KCNK9: variants seen among roughly 807,000 people sequenced by gnomAD.
KCNK9 encodes the protein potassium two pore domain channel subfamily K member 9.
A neutral mutation model predicts 10.8 loss-of-function variants in KCNK9; 1 was observed. The ratio of observed to expected loss-of-function variants is 0.09; its 90% CI spans 0.03 to 0.44. The LOEUF is 0.44. Among genes scored for constraint, KCNK9 ranks in the 20% least tolerant of loss-of-function variants. The pLI is 0.97. For missense variants in KCNK9, 303 were observed against 515.0 expected (o/e 0.59, Z 3.98); for synonymous variants, 231 against 222.7 (o/e 1.04, Z -0.33).
downstream of KCNK9, chr8:139,615,671 A>C (rs1814568043): frequency 6.6e-6 from 1 of 152,188 alleles, no homozygotes; most frequent in East Asian, 1.9e-4. Flanking sequence ...ATAGGAGGGA[A>C]ATAGAGCCAA....
At chr8:139,666,684 G>A (rs990991277) in intron 1 of KCNK9, among the ~76,000 whole-genome samples, 2 of 152,272 alleles carry the variant, frequency 1.3e-5, no homozygotes, top group African/African-American at 2.4e-5. Flanking sequence ...AATCCCTGCC[G>A]GCTGAACGGA....
At chr8:139,613,777 T>C (rs949882144), downstream of KCNK9, among the ~76,000 whole-genome samples, 1 of 152,306 alleles carries the variant, frequency 6.6e-6, no homozygotes, top group Admixed American at 6.5e-5. Context: ...CTACGGTGTT[T>C]CCAGGGTCTG....
At chr8:139,608,057 A>G (rs751162755), downstream of KCNK9, among the ~76,000 whole-genome samples, 1 of 152,086 alleles carries the variant, frequency 6.6e-6, no homozygotes, top group Non-Finnish European at 1.5e-5. Flanking sequence ...TGAGACAAAG[A>G]CTCATGGCTG....
At chr8:139,681,113 A>C (rs556957531) in intron 1 of KCNK9, among the ~76,000 whole-genome samples, 143 of 152,320 alleles carry the variant, frequency 9.4e-4, no homozygotes, top group African/African-American at 3.2e-3. Context: ...CTGTGCATTC[A>C]TTCTGTGCCA....
intron 1 of KCNK9, among the ~76,000 whole-genome samples, chr8:139,696,885 AT>A (rs746770935): frequency 9.2e-5 from 13 of 141,142 alleles, no homozygotes; most frequent in Non-Finnish European, 1.7e-4. Flanking sequence ...AGGTGGATGG[AT>A]GGGTGGATGA....
chr8:139,654,083 C>G (rs1161835784), intron 1 of KCNK9, among the ~76,000 whole-genome samples: 2 of 152,208 alleles, frequency 1.3e-5, no homozygotes, highest in Admixed American at 1.3e-4. Context: ...GTCAATTGCC[C>G]CAGGAACAGA....
intron 1 of KCNK9, among the ~76,000 whole-genome samples, chr8:139,627,737 C>G (rs1253965089): frequency 6.6e-6 from 1 of 152,238 alleles, no homozygotes; most frequent in Non-Finnish European, 1.5e-5. Context: ...TACAAATAAC[C>G]CACAACAGTT....
intron 1 of KCNK9, among the ~76,000 whole-genome samples, chr8:139,698,291 G>A (rs376430766): frequency 6.6e-6 from 1 of 152,170 alleles, no homozygotes; most frequent in Non-Finnish European, 1.5e-5. Flanking sequence ...GGGTCTGCTT[G>A]GTGCTGTATT....
chr8:139,651,690 A>G (rs1360197119), intron 1 of KCNK9, among the ~76,000 whole-genome samples: 1 of 152,110 alleles, frequency 6.6e-6, no homozygotes, highest in Non-Finnish European at 1.5e-5. Flanking sequence ...AAGACTAATT[A>G]GTGGAAGAGT....
At chr8:139,609,071 G>A (rs1448455090), downstream of KCNK9, among the ~76,000 whole-genome samples, 1 of 144,462 alleles carries the variant, frequency 6.9e-6, no homozygotes, top group African/African-American at 2.6e-5. Flanking sequence ...CCCTATCTAT[G>A]TCCCTTCCTC....
In KCNK9 at chr8:139,665,344, T is replaced by C. The variant is rs551277895; in HGVS notation, c.283+37366A>G. On this transcript the variant is annotated intron_variant, in intron 1 of 1. Coordinates refer to ENST00000520439, the MANE Select transcript of KCNK9 (RefSeq NM_001282534.2). ...CACATCACACCCCTCCGACCTCTGC[T>C]TCAATCATCAGAACTCTCCTGACTC... Among the ~76,000 whole-genome samples, 6 of 152,244 alleles carry C rather than the reference T, an allele frequency of 3.9e-5. No individual in the cohort carries two copies. The East Asian group carries it at 1.2e-3, about 29-fold the overall frequency.
At chr8:139,673,272 C>A (rs1443301887) in intron 1 of KCNK9, among the ~76,000 whole-genome samples, 1 of 152,132 alleles carries the variant, frequency 6.6e-6, no homozygotes, top group Non-Finnish European at 1.5e-5. Flanking sequence ...GTTCTAAAAT[C>A]GACTGTGGAG....
At chr8:139,678,280 C>A (rs1816609117) in intron 1 of KCNK9, among the ~76,000 whole-genome samples, 1 of 152,228 alleles carries the variant, frequency 6.6e-6, no homozygotes, top group Non-Finnish European at 1.5e-5. Flanking sequence ...AGCGTCTTTC[C>A]TGACATGTAC....
intron 1 of KCNK9, among the ~76,000 whole-genome samples, chr8:139,624,987 TTCC>T (rs1471318765): frequency 6.6e-6 from 1 of 152,168 alleles, no homozygotes; most frequent in Non-Finnish European, 1.5e-5. Context: ...ACCCCTCTAC[TTCC>T]TCATCTGTGA....
At chr8:139,631,806 T>C (rs1016033998) in intron 1 of KCNK9, among the ~76,000 whole-genome samples, 2 of 152,242 alleles carry the variant, frequency 1.3e-5, no homozygotes, top group African/African-American at 4.8e-5. Context: ...ATACCCTCTG[T>C]AAGTAATAAT....
chr8:139,681,716 G>A (rs1302142431), intron 1 of KCNK9, among the ~76,000 whole-genome samples: 4 of 152,218 alleles, frequency 2.6e-5, no homozygotes, highest in African/African-American at 9.7e-5. Flanking sequence ...CAGCTCCCTG[G>A]GGAGGCTGGC....
chr8:139,641,343 G>A (rs992132610), intron 1 of KCNK9, among the ~76,000 whole-genome samples: 6 of 152,154 alleles, frequency 3.9e-5, no homozygotes, highest in African/African-American at 1.4e-4. Flanking sequence ...TCATCCCAGC[G>A]CTCTCCCGCC....
chr8:139,636,547 T>C (rs1423214880), intron 1 of KCNK9, among the ~76,000 whole-genome samples: 3 of 152,360 alleles, frequency 2.0e-5, no homozygotes, highest in Middle Eastern at 3.4e-3. Context: ...AAAAGTGCTT[T>C]CTGAGGTCAC....
At chr8:139,610,402 T>G (rs955949327), downstream of KCNK9, among the ~76,000 whole-genome samples, 3 of 152,256 alleles carry the variant, frequency 2.0e-5, no homozygotes, top group African/African-American at 7.2e-5. Flanking sequence ...AAGTTCCTCA[T>G]GCCAAGTAAG....
Sources: gnomAD v4.1 joint callset for allele counts (sites outside exome capture counted in the v4.1 genomes callset) on GRCh38, gnomAD v4.1.1 for gene constraint, MANE v1.5 for transcripts, NCBI Gene and HGNC (gene_info 2026-07-23, HGNC 2026-07-21) for gene names.